The following RBFOX1 variants were observed in gnomAD, a reference collection of about 807,000 sequenced individuals.
The protein encoded by RBFOX1 is RNA binding fox-1 homolog 1.
In RBFOX1, 8 loss-of-function variants were observed where a neutral mutation model predicts 57.7. The ratio of observed to expected loss-of-function variants is 0.14; its 90% CI spans 0.08 to 0.25. The LOEUF (loss-of-function observed/expected upper bound fraction) is 0.25. Ranked by LOEUF, RBFOX1 falls within the 10% of genes least tolerant of loss-of-function variation. The pLI is 1.00. For missense variants in RBFOX1, 611 were observed against 548.5 expected (o/e 1.11, Z -1.14); for synonymous variants, 326 against 222.4 (o/e 1.47, Z -4.15).
chr16:5,509,854 G>A (rs1052064760), intron 2 of RBFOX1, among the ~76,000 whole-genome samples: 2 of 152,170 alleles, frequency 1.3e-5, no homozygotes. Flanking sequence ...AGTGCGGGGT[G>A]TCCCAGATGG....
At chr16:6,815,581 C>G (rs113886890) in intron 3 of RBFOX1, among the ~76,000 whole-genome samples, 5 of 152,292 alleles carry the variant, frequency 3.3e-5, no homozygotes, top group Admixed American at 1.3e-4. Context: ...ATTTAATCCT[C>G]CCGTCATTAA....
intron 4 of RBFOX1, among the ~76,000 whole-genome samples, chr16:7,109,606 G>T (rs1212808425): frequency 6.6e-6 from 1 of 152,108 alleles, no homozygotes; most frequent in Non-Finnish European, 1.5e-5. Context: ...GGGATCACAA[G>T]CCCAGTTTTA....
At chr16:6,554,682 G>C (rs1427273128) in intron 2 of RBFOX1, among the ~76,000 whole-genome samples, 1 of 151,984 alleles carries the variant, frequency 6.6e-6, no homozygotes, top group Non-Finnish European at 1.5e-5. Context: ...GTCACTGAAA[G>C]TGTGGAAATC....
chr16:7,054,300 C>T (rs1362622402), intron 4 of RBFOX1, among the ~76,000 whole-genome samples: 2 of 124,082 alleles, frequency 1.6e-5, no homozygotes, highest in East Asian at 2.8e-4. Flanking sequence ...AGTGCCGTGG[C>T]GCAATCTCAG....
rs367873745 is a variant in RBFOX1, at chr16:5,504,829, G to A, written c.258+37575G>A. Among the ~76,000 whole-genome samples, 7 of 152,314 alleles carry A rather than the reference G, an allele frequency of 4.6e-5. No individual in the cohort carries two copies. The East Asian group carries it at 1.4e-3, about 29-fold the overall frequency. On this transcript the variant is annotated intron_variant, in intron 2 of 2. Coordinates refer to the RBFOX1 transcript ENST00000585867. ...GGCCATGAGCGGTGACGTTGGAGCTGGCATGAGGGCTTGCTGACCCCTGTG... is the reference window on the plus strand; with the variant it reads ...GGCCATGAGCGGTGACGTTGGAGCTAGCATGAGGGCTTGCTGACCCCTGTG...
chr16:7,055,989 A>G (rs1395084772), intron 4 of RBFOX1, among the ~76,000 whole-genome samples: 1 of 152,130 alleles, frequency 6.6e-6, no homozygotes, highest in Non-Finnish European at 1.5e-5. Flanking sequence ...CTTCCATCCT[A>G]ACCTATATCC....
intron 2 of RBFOX1, among the ~76,000 whole-genome samples, chr16:5,520,937 A>G (rs12926080): frequency 0.17 from 26,100 of 152,160 alleles, 2,257 homozygotes; most frequent in Middle Eastern, 0.28. Context: ...AAGTTACACG[A>G]GGAGAGCCAC....
chr16:5,770,217 C>T (rs570228962), intron 3 of RBFOX1, among the ~76,000 whole-genome samples: 2 of 151,438 alleles, frequency 1.3e-5, no homozygotes, highest in East Asian at 3.9e-4. Context: ...TTCAGAACAC[C>T]AGTCACAACC....
intron 2 of RBFOX1, among the ~76,000 whole-genome samples, chr16:5,481,587 T>C (rs1465456132): frequency 1.3e-5 from 2 of 152,228 alleles, no homozygotes; most frequent in Non-Finnish European, 1.5e-5. Context: ...TGCTTGATCA[T>C]GGCTATTTGT....
In RBFOX1 at chr16:6,195,110, A is replaced by T. The variant is rs535262483; in HGVS notation, c.-126-121885A>T. On this transcript the variant is annotated intron_variant, in intron 1 of 15. Coordinates refer to ENST00000550418, the MANE Select transcript of RBFOX1 (RefSeq NM_018723.4). ...GGGTTCACAGTTTTGCAAAATGCTGATGTAAAATACCCAGGAGCAAACAGA... is the reference window on the plus strand; with the variant it reads ...GGGTTCACAGTTTTGCAAAATGCTGTTGTAAAATACCCAGGAGCAAACAGA... Among the ~76,000 whole-genome samples the T allele has an allele frequency of 5.3e-5, 8 of 152,310 alleles. No individual in the cohort carries two copies. In the South Asian group the frequency reaches 1.7e-3, roughly 32 times the overall value.
chr16:7,623,779 G>A (rs1459185984), intron 10 of RBFOX1, among the ~76,000 whole-genome samples: 1 of 152,110 alleles, frequency 6.6e-6, no homozygotes, highest in Admixed American at 6.5e-5. Context: ...TTCTTCTGAG[G>A]CCTCTCTCCT....
intron 3 of RBFOX1, among the ~76,000 whole-genome samples, chr16:6,808,680 C>T (rs1050028844): frequency 2.6e-5 from 4 of 152,094 alleles, no homozygotes; most frequent in Admixed American, 6.6e-5. Context: ...AAATGGTATA[C>T]AGTGAAGAGT....
chr16:5,790,910 T>G (rs1229423677), intron 3 of RBFOX1, among the ~76,000 whole-genome samples: 2 of 150,530 alleles, frequency 1.3e-5, no homozygotes, highest in Non-Finnish European at 3.0e-5. Context: ...ACTCTGTTGC[T>G]CAGGCTGGAG....
At chr16:6,799,374 G>A (rs545052479) in intron 3 of RBFOX1, among the ~76,000 whole-genome samples, 1 of 152,252 alleles carries the variant, frequency 6.6e-6, no homozygotes, top group African/African-American at 2.4e-5. Context: ...TTAAAAAAAG[G>A]TAAAAACTGC....
At chr16:6,672,629 A>G (rs1256636842) in intron 3 of RBFOX1, among the ~76,000 whole-genome samples, 1 of 152,178 alleles carries the variant, frequency 6.6e-6, no homozygotes, top group Non-Finnish European at 1.5e-5. Flanking sequence ...GACTTCAGGT[A>G]CACATGGATC....
chr16:7,355,132 C>G (rs982016414), intron 4 of RBFOX1, among the ~76,000 whole-genome samples: 1 of 152,158 alleles, frequency 6.6e-6, no homozygotes, highest in East Asian at 1.9e-4. Flanking sequence ...TGTGAGAAAA[C>G]TGAGCATCAG....
At chr16:5,770,126 T>C (rs2053927890) in intron 3 of RBFOX1, among the ~76,000 whole-genome samples, 1 of 152,154 alleles carries the variant, frequency 6.6e-6, no homozygotes, top group Admixed American at 6.5e-5. Context: ...TGTGGGTGTA[T>C]ATTAATGTTT....
rs151264410 is a variant in RBFOX1 at position 6,800,697 on chromosome 16, A to G, written c.-16+146047A>G. ...TTAAATCACTGGAGTAGGCCCGTGG[A>G]CGTTCAGTTTTTCCTAAAAAGACTC... On this transcript the variant is annotated intron_variant, in intron 3 of 15. Coordinates refer to ENST00000550418, the MANE Select transcript of RBFOX1 (RefSeq NM_018723.4). Among the ~76,000 whole-genome samples the G allele has an allele frequency of 1.7e-3, 259 of 152,174 alleles. 1 individual carries two copies. The highest frequency in any genetic ancestry group is 6.0e-3 in the African/African-American group (248 of 41,528).
chr16:7,379,630 C>T (rs1435293778), intron 4 of RBFOX1, among the ~76,000 whole-genome samples: 1 of 152,142 alleles, frequency 6.6e-6, no homozygotes, highest in East Asian at 1.9e-4. Context: ...AGAGGTGAGG[C>T]AGAGGGCTAC....
Sources: gnomAD v4.1 joint callset for allele counts (sites outside exome capture counted in the v4.1 genomes callset) on GRCh38, gnomAD v4.1.1 for gene constraint, MANE v1.5 for transcripts, NCBI Gene and HGNC (gene_info 2026-07-23, HGNC 2026-07-21) for gene names.